The following ANK3 variants were observed in gnomAD, a reference collection of about 807,000 sequenced individuals.
ANK3 encodes ankyrin-3.
In ANK3, 57 loss-of-function variants were observed where a neutral mutation model predicts 370.9. The ratio of observed to expected loss-of-function variants is 0.15; its 90% CI spans 0.12 to 0.19. ANK3 has a LOEUF of 0.19. Among genes scored for constraint, ANK3 ranks in the 10% least tolerant of loss-of-function variants. The pLI, the probability that ANK3 is intolerant of heterozygous loss-of-function variation, is 1.00. For synonymous variants in ANK3, 1,929 were observed against 1,946.3 expected (o/e 0.99, Z 0.23); for missense variants, 4,439 against 5,302.1 (o/e 0.84, Z 5.06).
At chr10:60,469,028 A>AGT (rs1340507423) in intron 2 of ANK3, among the ~76,000 whole-genome samples, 2 of 21,942 alleles carry the variant, frequency 9.1e-5, no homozygotes, top group African/African-American at 3.3e-4. Flanking sequence ...TACCACTTTT[A>AGT]GTGTATATAT....
intron 1 of ANK3, among the ~76,000 whole-genome samples, chr10:60,368,934 G>A (rs951719721): frequency 6.6e-6 from 1 of 152,134 alleles, no homozygotes; most frequent in Non-Finnish European, 1.5e-5. Context: ...CAAGTAGCAG[G>A]GGGATACTGA....
intron 4 of ANK3, among the ~76,000 whole-genome samples, chr10:60,276,686 G>C (rs776686238): frequency 6.6e-6 from 1 of 152,188 alleles, no homozygotes; most frequent in Admixed American, 6.5e-5. Context: ...AAACATTGCC[G>C]AGCCAGTTTA....
intron 2 of ANK3, among the ~76,000 whole-genome samples, chr10:60,395,381 G>A (rs761556776): frequency 3.3e-5 from 5 of 152,172 alleles, no homozygotes; most frequent in African/African-American, 1.2e-4. Context: ...TATTCGAAAT[G>A]TGAAATTAGA....
At chr10:60,489,798 A>T (rs76446519) in intron 2 of ANK3, among the ~76,000 whole-genome samples, 14,264 of 152,264 alleles carry the variant, frequency 0.094, 752 homozygotes, top group South Asian at 0.17. Context: ...AATAATGTAA[A>T]CATATCTCCA....
chr10:60,709,836 AAAAAAGAAAAG>A (rs1454150260), intron 1 of ANK3, among the ~76,000 whole-genome samples: 1 of 151,936 alleles, frequency 6.6e-6, no homozygotes, highest in Non-Finnish European at 1.5e-5. Flanking sequence ...TCAAAAAAAA[AAAAAAGAAAAG>A]AAAAAAGAAA....
chr10:60,298,005 T>A (rs73271442), intron 1 of ANK3, among the ~76,000 whole-genome samples: 3,046 of 152,110 alleles, frequency 0.02, 103 homozygotes, highest in African/African-American at 0.07. Flanking sequence ...CATTGAAAAA[T>A]ATATATATAA....
Position 60,069,105 on chromosome 10 carries a change from C to T in ANK3, c.11776G>A (p.Val3926Ile), listed in dbSNP as rs764629922. ...KNTHRDNIIA[V>I]RKACATQKQG... ...TTTTGTGTGGCACATGCTTTTCTAA[C>T]TGCAATTATGTTATCCCTGTGTGTG... Residue 3926 changes from valine to isoleucine, a missense_variant, in exon 37 of 44, where the codon GTT becomes ATT. By Grantham distance (29) the Val-to-Ile change is conservative (BLOSUM62 3). Transcript: ENST00000280772. 20 of 1,614,004 alleles carry T rather than the reference C, an allele frequency of 1.2e-5. No individual in the cohort carries two copies. Among genetic ancestry groups the T allele is most frequent in the Admixed American group, 5.0e-5 (3 of 59,986 alleles).
At chr10:60,415,280 C>T (rs531180977) in intron 2 of ANK3, among the ~76,000 whole-genome samples, 132 of 151,910 alleles carry the variant, frequency 8.7e-4, no homozygotes, top group Admixed American at 2.7e-3. Flanking sequence ...TCCCAGAGGC[C>T]GAGGGAGGAA....
At position 60,072,340 on chromosome 10, in the gene ANK3, C is replaced by A. The variant is rs143371149; in HGVS notation, c.8541G>T (p.Trp2847Cys). 1.9e-6 allele frequency: 3 copies of A among 1,613,438 alleles called. No individual in the cohort carries two copies. The highest frequency in any genetic ancestry group is 2.7e-5 in the African/African-American group (2 of 74,828). Residue 2847 changes from tryptophan to cysteine, a missense_variant, in exon 37 of 44, where the codon TGG becomes TGT. Physicochemically the swap from Trp to Cys is radical, Grantham distance 215 (BLOSUM62 -2). Transcript: ENST00000280772. ...ITSDLATRGPWDKKVFRTWES... is the reference protein window; with the variant it reads ...ITSDLATRGPCDKKVFRTWES... ...CCCATGTTCTAAAGACCTTTTTGTC[C>A]CATGGTCCCCTAGTTGCTAAATCTG...
At chr10:60,503,890 T>C (rs990358714) in intron 2 of ANK3, among the ~76,000 whole-genome samples, 1 of 152,164 alleles carries the variant, frequency 6.6e-6, no homozygotes, top group African/African-American at 2.4e-5. Flanking sequence ...GTGAGTCTTA[T>C]ATATGCGTTA....
chr10:60,264,443 C>T (rs982991668), intron 5 of ANK3, among the ~76,000 whole-genome samples: 8 of 151,806 alleles, frequency 5.3e-5, no homozygotes, highest in African/African-American at 1.9e-4. Flanking sequence ...GTCAGGAGTT[C>T]GAGACCAGCA....
intron 2 of ANK3, among the ~76,000 whole-genome samples, chr10:60,540,972 G>A (rs989805450): frequency 6.6e-6 from 1 of 151,644 alleles, no homozygotes; most frequent in African/African-American, 2.4e-5. Flanking sequence ...TGAAAAATTG[G>A]AAATAACAAA....
At chr10:60,249,159 G>T (rs939930809) in intron 7 of ANK3, among the ~76,000 whole-genome samples, 3 of 152,114 alleles carry the variant, frequency 2.0e-5, no homozygotes, top group Non-Finnish European at 2.9e-5. Context: ...TGAGTAGAGA[G>T]ATATATATAG....
At chr10:60,679,526 CCTT>C (rs2079167269) in intron 1 of ANK3, among the ~76,000 whole-genome samples, 1 of 152,102 alleles carries the variant, frequency 6.6e-6, no homozygotes, top group Admixed American at 6.5e-5. Context: ...CAGTATATGA[CCTT>C]CTTCTGGGAA....
At chr10:60,266,541 A>G (rs1036056823) in intron 5 of ANK3, among the ~76,000 whole-genome samples, 7 of 152,206 alleles carry the variant, frequency 4.6e-5, no homozygotes, top group Non-Finnish European at 1.0e-4. Context: ...TCTGAAACCA[A>G]ACAAAATGGC....
chr10:60,566,977 A>G (rs2077478601), intron 2 of ANK3, among the ~76,000 whole-genome samples: 1 of 152,248 alleles, frequency 6.6e-6, no homozygotes, highest in Non-Finnish European at 1.5e-5. Flanking sequence ...AATGCAAAAG[A>G]AAAGTTTGAA....
intron 2 of ANK3, among the ~76,000 whole-genome samples, chr10:60,523,956 T>C (rs953287255): frequency 2.0e-5 from 3 of 152,104 alleles, no homozygotes; most frequent in Non-Finnish European, 4.4e-5. Flanking sequence ...TGTATAAACA[T>C]ACACTGGTCT....
intron 14 of ANK3, among the ~76,000 whole-genome samples, chr10:60,198,019 C>T (rs1006279766): frequency 2.0e-5 from 3 of 152,182 alleles, no homozygotes; most frequent in African/African-American, 4.8e-5. Flanking sequence ...GTGTGCTTGG[C>T]CTGAGCATTT....
At chr10:60,297,572 A>G (rs2042804478) in intron 1 of ANK3, among the ~76,000 whole-genome samples, 1 of 152,296 alleles carries the variant, frequency 6.6e-6, no homozygotes, top group African/African-American at 2.4e-5. Context: ...TTTAAAAAAT[A>G]AACATTTGCA....
Sources: gnomAD v4.1 joint callset for allele counts (sites outside exome capture counted in the v4.1 genomes callset) on GRCh38, gnomAD v4.1.1 for gene constraint, MANE v1.5 for transcripts, NCBI Gene and HGNC (gene_info 2026-07-23, HGNC 2026-07-21) for gene names.